The following DENND4A variants were observed in gnomAD, a reference collection of about 807,000 sequenced individuals.
DENND4A encodes the protein C-myc promoter-binding protein.
A neutral mutation model predicts 199.3 loss-of-function variants in DENND4A; 70 were observed. That is an observed-to-expected ratio of 0.35 (90% CI 0.29 to 0.43). The LOEUF is 0.43. Among genes scored for constraint, DENND4A ranks in the 20% least tolerant of loss-of-function variants. DENND4A has a pLI of 1.00. For synonymous variants in DENND4A, 686 were observed against 766.9 expected, an observed-to-expected ratio of 0.89 and a Z score of 1.74; for missense variants, 1,723 against 2,255.8, an observed-to-expected ratio of 0.76 and a Z score of 4.78.
At chr15:65,740,150 C>T (rs546583741) in intron 5 of DENND4A, among the ~76,000 whole-genome samples, 5 of 152,010 alleles carry the variant, frequency 3.3e-5, no homozygotes, top group Non-Finnish European at 7.4e-5. Context: ...CACTGCACTC[C>T]AGCCTTTCAA....
rs377633886 is a variant in DENND4A, at chr15:65,785,682, A to C, written c.-102+6328T>G. 6.6e-5 allele frequency among the ~76,000 whole-genome samples: 10 copies of C among 152,254 alleles called. No individual in the cohort carries two copies. In the East Asian group the frequency reaches 7.7e-4, roughly 12 times the overall value. Reference sequence around the variant, plus strand: ...TATATTTAATAAAAAATAACTACGTATATAATAGTTATCACATTGAATTCT... The same window carrying C: ...TATATTTAATAAAAAATAACTACGTCTATAATAGTTATCACATTGAATTCT... On this transcript the variant is annotated intron_variant, in intron 1 of 32. Transcript: ENST00000443035.
intron 14 of DENND4A, among the ~76,000 whole-genome samples, chr15:65,712,274 T>C (rs556019432): frequency 6.6e-6 from 1 of 152,332 alleles, no homozygotes; most frequent in African/African-American, 2.4e-5. Flanking sequence ...TTCCTGTTCA[T>C]ATGTACAAAT....
rs111790363 is a variant in DENND4A, at chr15:65,740,952, A to G, written c.631+763T>C. ...ACTCCAGCCTGAGCAACCGAATGAGACCCCGTACCCCCCCCAAAAAAAATC... is the reference window on the plus strand; with the variant it reads ...ACTCCAGCCTGAGCAACCGAATGAGGCCCCGTACCCCCCCCAAAAAAAATC... On this transcript the variant is annotated intron_variant, in intron 5 of 32. Transcript: ENST00000443035. Among the ~76,000 whole-genome samples the G allele has an allele frequency of 5.8e-3, 883 of 152,032 alleles. 9 individuals carry two copies. Among genetic ancestry groups the G allele is most frequent in the African/African-American group, 0.021 (849 of 41,414 alleles).
intron 5 of DENND4A, among the ~76,000 whole-genome samples, chr15:65,740,797 AC>A (rs2076240661): frequency 6.6e-6 from 1 of 151,906 alleles, no homozygotes; most frequent in East Asian, 1.9e-4. Context: ...CCCTGTCTCT[AC>A]AAAAATTTAA....
chr15:65,754,041 T>A (rs764597642), intron 3 of DENND4A: 10 of 151,784 alleles, frequency 6.6e-5, no homozygotes, highest in Non-Finnish European at 1.5e-4. Context: ...GCCATGTTGG[T>A]CAAGCTGATC....
chr15:65,715,357 C>T (rs2075366832), intron 14 of DENND4A, 121 bp downstream of exon 14: 5 of 990,686 alleles, frequency 5.0e-6, no homozygotes, highest in Non-Finnish European at 6.9e-6. Flanking sequence ...TTTAAGTGGT[C>T]AACGATGAAA....
chr15:65,662,224 C>T (rs952522009), intron 32 of DENND4A, among the ~76,000 whole-genome samples: 1 of 152,182 alleles, frequency 6.6e-6, no homozygotes, highest in Admixed American at 6.5e-5. Flanking sequence ...AAATACCACA[C>T]ACACTTTTTT....
In DENND4A at chr15:65,667,580, T is replaced by C. The variant is rs2039586827; in HGVS notation, c.5110A>G (p.Thr1704Ala). The change falls in exon 29 of 33, where the codon ACA (threonine) becomes GCA (alanine). Residue 1704 changes from threonine (T) to alanine (A), a missense_variant. Coordinates refer to ENST00000443035, the MANE Select transcript of DENND4A (RefSeq NM_001320835.1). ...LLENEGDHAI[T>A]VADFVDHHPI... is the part of the protein sequence containing the mutation. Reference sequence around the variant, plus strand: ...TGATGGTCCACAAAGTCTGCTACTGTTATTGCATGATCACCTTCATTTTCC... The same window carrying C: ...TGATGGTCCACAAAGTCTGCTACTGCTATTGCATGATCACCTTCATTTTCC... 6.2e-7 allele frequency: 1 copy of C among 1,613,906 alleles called. No homozygotes were observed. Among genetic ancestry groups the C allele is most frequent in the Admixed American group, 1.7e-5 (1 of 60,012 alleles).
intron 9 of DENND4A, 87 bp from the exon 10 acceptor site, chr15:65,729,765 G>A: frequency 1.6e-6 from 2 of 1,239,680 alleles, no homozygotes; most frequent in Non-Finnish European, 2.2e-6. Context: ...TAGTTGATTA[G>A]AGTAGGATTT....
chr15:65,742,514 C>T, intron 4 of DENND4A, among the ~76,000 whole-genome samples: 1 of 151,862 alleles, frequency 6.6e-6, no homozygotes, highest in Non-Finnish European at 1.5e-5. Flanking sequence ...CAACCTCCGC[C>T]TCCCAGGTTC....
chr15:65,681,571 A>ATTTTTTTTTTTTTTTT (rs1319956178), intron 23 of DENND4A, among the ~76,000 whole-genome samples: 1 of 142,350 alleles, frequency 7.0e-6, no homozygotes, highest in Non-Finnish European at 1.5e-5. Flanking sequence ...TTGACATTTC[A>ATTTTTTTTTTTTTTTT]TTTTTTTGTT....
intron 20 of DENND4A, among the ~76,000 whole-genome samples, chr15:65,698,924 G>C (rs1167708734): frequency 6.6e-6 from 1 of 151,880 alleles, no homozygotes; most frequent in Non-Finnish European, 1.5e-5. Flanking sequence ...TTTTAGTAGA[G>C]ATGGTGTTTC....
At chr15:65,748,039 C>CAA (rs34813076) in intron 4 of DENND4A, among the ~76,000 whole-genome samples, 109 of 54,266 alleles carry the variant, frequency 2.0e-3, no homozygotes, top group Admixed American at 2.7e-3. Context: ...TACTCCGTCT[C>CAA]AAAAAAAAAA....
At chr15:65,707,249 A>G (rs2142262908) in intron 14 of DENND4A, among the ~76,000 whole-genome samples, 1 of 152,240 alleles carries the variant, frequency 6.6e-6, no homozygotes, top group Admixed American at 6.5e-5. Flanking sequence ...GAGCTCATAA[A>G]CTAAAAAGAA....
chr15:65,770,506 T>C (rs2077099867), intron 1 of DENND4A, among the ~76,000 whole-genome samples: 1 of 152,178 alleles, frequency 6.6e-6, no homozygotes, highest in African/African-American at 2.4e-5. Context: ...TGTATATGTA[T>C]AGTAATTCAT....
At chr15:65,744,081 CA>C (rs2076324676) in intron 4 of DENND4A, among the ~76,000 whole-genome samples, 1 of 151,300 alleles carries the variant, frequency 6.6e-6, no homozygotes, top group South Asian at 2.1e-4. Context: ...GTAATCCAGG[CA>C]AAAATTATGA....
intron 15 of DENND4A, 178 bp downstream of exon 15, chr15:65,705,913 T>A (rs928718073): frequency 2.5e-6 from 2 of 791,212 alleles, no homozygotes; most frequent in South Asian, 1.2e-4. Context: ...AAATTATATA[T>A]GTTTTCTTTT....
At chr15:65,725,897 G>T (rs544319341) in intron 11 of DENND4A, among the ~76,000 whole-genome samples, 1 of 152,208 alleles carries the variant, frequency 6.6e-6, no homozygotes, top group South Asian at 2.1e-4. Flanking sequence ...CTTGGGATTT[G>T]TTTTTCTTTC....
intron 23 of DENND4A, among the ~76,000 whole-genome samples, chr15:65,688,283 A>G (rs1436554438): frequency 6.6e-6 from 1 of 152,118 alleles, no homozygotes; most frequent in East Asian, 1.9e-4. Context: ...TCCTTTACCT[A>G]AAGGAACCAG....
Sources: allele counts gnomAD v4.1 joint callset (sites outside exome capture counted in the v4.1 genomes callset), GRCh38; gene constraint gnomAD v4.1.1; transcripts MANE v1.5; gene names NCBI Gene and HGNC (gene_info 2026-07-23, HGNC 2026-07-21).